IGSF9: variants seen among roughly 807,000 people sequenced by gnomAD.
The protein encoded by IGSF9 is immunoglobulin superfamily member 9, also known as protein turtle homolog A.
Under a neutral mutation model 121.7 loss-of-function variants are expected in IGSF9, and 87 were observed. The observed-to-expected ratio is 0.71, with a 90% confidence interval of 0.60 to 0.85. The LOEUF is 0.85. Among genes scored for constraint, IGSF9 ranks in the 40% least tolerant of loss-of-function variants. The probability of loss-of-function intolerance (pLI) is 0.00; values close to 1 mark genes in which losing one functional copy is unlikely to be tolerated. For missense variants in IGSF9, 1,462 were observed against 1,565.3 expected (o/e 0.93, Z 1.11); for synonymous variants, 640 against 648.4 (o/e 0.99, Z 0.20).
chr1:159,927,432 G>A lies in IGSF9; in HGVS notation c.3453C>T (p.Ala1151=). The part of the protein sequence containing the change: ...RCAALREEFL[A]FRRRRDATRA... Reference sequence around the variant, plus strand: ...TAGTAGCATCTCGGCGGCGGCGGAAGGCCAGGAATTCCTCCCGAAGGGCAG... The same window carrying A: ...TAGTAGCATCTCGGCGGCGGCGGAAAGCCAGGAATTCCTCCCGAAGGGCAG... The change falls in exon 21 of 21, where the codon GCC becomes GCT. Residue 1151 remains alanine, a synonymous_variant. Coordinates refer to ENST00000368094, the MANE Select transcript of IGSF9 (RefSeq NM_001135050.2). The A allele has an allele frequency of 4.3e-6, 7 of 1,614,122 alleles. No homozygotes were observed. The highest frequency in any genetic ancestry group is 5.9e-6 in the Non-Finnish European group (7 of 1,180,030).
chr1:159,929,682 T>G lies in IGSF9; in HGVS notation c.2282A>C (p.Asn761Thr). 6.3e-7 allele frequency: 1 copy of G among 1,596,640 alleles called. No homozygotes were observed. Among genetic ancestry groups the G allele is most frequent in the Non-Finnish European group, 8.5e-7 (1 of 1,173,338 alleles). The stretch of plus-strand genomic sequence containing the variant: ...GCGGCGGCGGGCAGCCCTGCGCCGG[T>G]TCAGGAGGCAGCCGGCCAGGATGCT... ...LVSILAGCLL[N>T]RRRAARRRRK... is the part of the protein sequence containing the mutation. Residue 761 changes from asparagine to threonine, a missense_variant, in exon 17 of 21, where the codon AAC becomes ACC. Physicochemically the swap from Asn to Thr is moderately conservative, Grantham distance 65. Coordinates refer to ENST00000368094, the MANE Select transcript of IGSF9 (RefSeq NM_001135050.2).
intron 3 of IGSF9, among the ~76,000 whole-genome samples, chr1:159,942,758 G>A (rs979976912): frequency 7.2e-5 from 11 of 152,224 alleles, no homozygotes; most frequent in African/African-American, 2.6e-4. Flanking sequence ...GTGTGTGTGT[G>A]TGTGTGTGTG....
Position 159,928,761 on chromosome 1 carries a change from G to T in IGSF9, c.2627C>A (p.Pro876Gln). Residue 876 changes from proline to glutamine, a missense_variant, in exon 19 of 21, where the codon CCA becomes CAA. Pro to Gln is a moderately conservative substitution (Grantham distance 76). Around this residue, in one of 3 missense-constraint regions of IGSF9, gnomAD observed 808 missense variants for 815.2 expected, o/e 0.99. Transcript: ENST00000368094. ...AAAGGACCGGGCCAGACGCTGGGCT[G>T]GAGTCCGAGGTTCTGCCTGCTCCCG... is the stretch of plus-strand genomic sequence containing the variant. ...SGREQAEPRTPAQRLARSFDC... is the reference protein window; with the variant it reads ...SGREQAEPRTQAQRLARSFDC... The T allele has an allele frequency of 6.8e-7, 1 of 1,476,510 alleles. No homozygotes were observed. Among genetic ancestry groups the T allele is most frequent in the Non-Finnish European group, 9.0e-7 (1 of 1,111,530 alleles). 91.5% of individuals were successfully genotyped at this position (1,476,510 alleles called of 1,614,324 possible).
Position 159,932,900 on chromosome 1 carries a change from T to A in IGSF9, c.1105-248A>T. On this transcript the variant is annotated intron_variant, in intron 9 of 20. Coordinates refer to ENST00000368094, the MANE Select transcript of IGSF9 (RefSeq NM_001135050.2). This position sits in a 1 kb window ranked among gnomAD's most constrained non-coding sequence, Gnocchi z 4.1. ...GGTGCCACTCACAGAAAATACACTG[T>A]GAATGGCCACCCCTGTAGTTGGGCC... 2.3e-6 allele frequency: 1 copy of A among 436,668 alleles called. No homozygotes were observed. 27.0% of individuals were successfully genotyped at this position (436,668 alleles called of 1,614,324 possible). A position where few individuals can be genotyped will look rare whatever the true frequency, so the allele number is the denominator to read the frequency against.
At chr1:159,928,020 C>A in intron 19 of IGSF9, 133 bp from the exon 20 acceptor site, 1 of 1,485,236 alleles carries the variant, frequency 6.7e-7, no homozygotes, top group Non-Finnish European at 9.1e-7. Flanking sequence ...TGGACCTCAG[C>A]AAAAGCTTCT....
intron 6 of IGSF9, among the ~76,000 whole-genome samples, chr1:159,935,529 C>T (rs866062789): frequency 2.6e-5 from 4 of 152,210 alleles, no homozygotes; most frequent in Admixed American, 6.5e-5. Flanking sequence ...CGCCACATAC[C>T]TCCTGCAAAA....
chr1:159,938,483 C>T (rs1307316939), intron 3 of IGSF9, among the ~76,000 whole-genome samples: 2 of 152,176 alleles, frequency 1.3e-5, no homozygotes, highest in African/African-American at 4.8e-5. Context: ...TCCACAAAGC[C>T]ACACAACCAC....
chr1:159,928,143 A>C lies in IGSF9; in HGVS notation c.3230+15T>G, dbSNP rs1650812527. The C allele has an allele frequency of 6.2e-7, 1 of 1,602,094 alleles. No homozygotes were observed. The highest frequency in any genetic ancestry group is 1.3e-5 in the African/African-American group (1 of 74,912). ...GACTGAGGCGGAGGCAGGGATGGGCAGGGACTGCTCTCACCTCTTGCTGAC... is the reference window on the plus strand; with the variant it reads ...GACTGAGGCGGAGGCAGGGATGGGCCGGGACTGCTCTCACCTCTTGCTGAC... On this transcript the variant is annotated intron_variant, in intron 19 of 20. Coordinates refer to ENST00000368094, the MANE Select transcript of IGSF9 (RefSeq NM_001135050.2).
Position 159,929,995 on chromosome 1 carries a change from C to T in IGSF9, c.2065-20G>A. 1 of 1,592,942 alleles carries T rather than the reference C, an allele frequency of 6.3e-7. No homozygotes were observed. On this transcript the variant is annotated intron_variant, in intron 15 of 20. Transcript: ENST00000368094. ...AACATCCTGCGATGGGGATGGGGTACCAGGAGGGAGGTCAGGGCCCAGCAC... is the reference window on the plus strand; with the variant it reads ...AACATCCTGCGATGGGGATGGGGTATCAGGAGGGAGGTCAGGGCCCAGCAC...
rs1201642147 is a variant in IGSF9, at chr1:159,943,408, T to C, written c.47A>G (p.Gln16Arg). ...GLAVLSLVISQGADGRGKPEV... is the reference protein window; with the variant it reads ...GLAVLSLVISRGADGRGKPEV... ...AGAGCTCAGCTTACCGTCAGCCCCCTGGCTGATGACCAGGCTGAGGACGGC... is the reference window on the plus strand; with the variant it reads ...AGAGCTCAGCTTACCGTCAGCCCCCCGGCTGATGACCAGGCTGAGGACGGC... Residue 16 changes from glutamine (Q) to arginine (R), a missense_variant, in exon 2 of 21, where the codon CAG becomes CGG. Coordinates refer to ENST00000368094, the MANE Select transcript of IGSF9 (RefSeq NM_001135050.2). 4 of 1,588,716 alleles carry C rather than the reference T, an allele frequency of 2.5e-6. No individual in the cohort carries two copies. Among genetic ancestry groups the C allele is most frequent in the Non-Finnish European group, 2.6e-6 (3 of 1,167,088 alleles).
Position 159,928,563 on chromosome 1 carries a change from G to T in IGSF9, c.2825C>A (p.Pro942His). The T allele has an allele frequency of 6.5e-7, 1 of 1,537,446 alleles. No individual in the cohort carries two copies. Among genetic ancestry groups the T allele is most frequent in the Admixed American group, 2.0e-5 (1 of 48,828 alleles). The change falls in exon 19 of 21, where the codon CCC becomes CAC. Residue 942 changes from proline to histidine, a missense_variant. By Grantham distance (77) the Pro-to-His change is moderately conservative. Transcript: ENST00000368094. ...AGCAGGGCTGGGCTCCTCAAGCGGG[G>T]GCCAGTCCCCATCCACATTCATCTC... ...FREMNVDGDW[P>H]PLEEPSPAAP...
Position 159,927,262 on chromosome 1 carries a change from C to A in IGSF9, c.*83G>T. ...ACCAAAGGGGCAGGCAGGGGCAGTG[C>A]CCTCGTTTGAAACTAGGTCTGTCTG... On this transcript the variant is annotated 3_prime_UTR_variant, in exon 21 of 21. Coordinates refer to ENST00000368094, the MANE Select transcript of IGSF9 (RefSeq NM_001135050.2). 1 of 1,542,144 alleles carries A rather than the reference C, an allele frequency of 6.5e-7. No homozygotes were observed. The highest frequency in any genetic ancestry group is 8.9e-7 in the Non-Finnish European group (1 of 1,118,978).
Position 159,931,694 on chromosome 1 carries a change from C to A in IGSF9, c.1363-91G>T. ...TCTCCAGGCAGCTCCAGTTCCTCCC[C>A]ACCCTGCCTCTGACAGCCTTCTCCT... On this transcript the variant is annotated intron_variant, in intron 11 of 20. Coordinates refer to ENST00000368094, the MANE Select transcript of IGSF9 (RefSeq NM_001135050.2). This position sits in a 1 kb window ranked among gnomAD's most constrained non-coding sequence, Gnocchi z 4.8. 1.3e-6 allele frequency: 2 copies of A among 1,528,552 alleles called. No homozygotes were observed. Among genetic ancestry groups the A allele is most frequent in the Non-Finnish European group, 1.8e-6 (2 of 1,122,350 alleles). 94.7% of individuals were successfully genotyped at this position (1,528,552 alleles called of 1,614,324 possible).
Position 159,931,441 on chromosome 1 carries a change from C to T in IGSF9, c.1513+12G>A, listed in dbSNP as rs948053722. On this transcript the variant is annotated intron_variant, in intron 12 of 20. Transcript: ENST00000368094. The surrounding 1 kb of genome is among the most constrained non-coding windows in gnomAD (Gnocchi z 4.8). Reference sequence around the variant, plus strand: ...TTTCTCCCAGCCCCTGGCCCTCTCTCCAGCCACTAACCCAGCACGTAGACG... The same window carrying T: ...TTTCTCCCAGCCCCTGGCCCTCTCTTCAGCCACTAACCCAGCACGTAGACG... The T allele has an allele frequency of 1.2e-6, 2 of 1,610,538 alleles. No individual in the cohort carries two copies. The highest frequency in any genetic ancestry group is 1.1e-5 in the South Asian group (1 of 91,016).
In IGSF9 at chr1:159,930,379, G is replaced by A; in HGVS notation, c.1874C>T (p.Ser625Phe). The A allele has an allele frequency of 1.3e-6, 2 of 1,587,540 alleles. No individual in the cohort carries two copies. Among genetic ancestry groups the A allele is most frequent in the Non-Finnish European group, 1.7e-6 (2 of 1,165,276 alleles). ...CACTGCCACCAGACCCCGCGGAGGG[G>A]ACAGGGGAGGCGGTATCTCTGTTGG... ...LPPTEIPPPLSPPRGLVAVRT... is the reference protein window; with the variant it reads ...LPPTEIPPPLFPPRGLVAVRT... Residue 625 changes from serine (S) to phenylalanine (F), a missense_variant, in exon 15 of 21, where the codon TCC (serine) becomes TTC (phenylalanine). Ser to Phe is a radical substitution (Grantham distance 155). Around this residue, in one of 3 missense-constraint regions of IGSF9, gnomAD observed 808 missense variants for 815.2 expected, o/e 0.99. Transcript: ENST00000368094.
Position 159,927,270 on chromosome 1 carries a change from T to C in IGSF9, c.*75A>G. 6.3e-7 allele frequency: 1 copy of C among 1,579,232 alleles called. No homozygotes were observed. Among genetic ancestry groups the C allele is most frequent in the Non-Finnish European group, 8.7e-7 (1 of 1,151,710 alleles). ...GGCAGGCAGGGGCAGTGCCCTCGTTTGAAACTAGGTCTGTCTGGTTGGGGG... is the reference window on the plus strand; with the variant it reads ...GGCAGGCAGGGGCAGTGCCCTCGTTCGAAACTAGGTCTGTCTGGTTGGGGG... On this transcript the variant is annotated 3_prime_UTR_variant, in exon 21 of 21. Coordinates refer to ENST00000368094, the MANE Select transcript of IGSF9 (RefSeq NM_001135050.2).
chr1:159,939,658 A>G (rs760958710), intron 3 of IGSF9, among the ~76,000 whole-genome samples: 2 of 152,174 alleles, frequency 1.3e-5, no homozygotes, highest in African/African-American at 2.4e-5. Flanking sequence ...CTTCCATTCT[A>G]CCTCTAGAGT....
chr1:159,927,913 C>T (rs535591685), intron 19 of IGSF9, 26 bp from the exon 20 acceptor site: 3 of 1,599,050 alleles, frequency 1.9e-6, no homozygotes, highest in Non-Finnish European at 2.6e-6. Flanking sequence ...AAAAGACAAA[C>T]ATATGGTGTG....
At position 159,937,675 on chromosome 1, in the gene IGSF9, C is replaced by CA; in HGVS notation, c.400+10dup. ...CCGTCCTTCTCCACCACCTGCCCCC[C>CA]AGCTTCATACAATTGACTGTCAGAT... On this transcript the variant is annotated intron_variant, in intron 4 of 20. Coordinates refer to ENST00000368094, the MANE Select transcript of IGSF9 (RefSeq NM_001135050.2). 6.2e-7 allele frequency: 1 copy of CA among 1,609,334 alleles called. No individual in the cohort carries two copies.
Sources: allele counts gnomAD v4.1 joint callset (sites outside exome capture counted in the v4.1 genomes callset), GRCh38; gene constraint gnomAD v4.1.1; regional missense constraint gnomAD v4.1.1; non-coding constraint Gnocchi (gnomAD v3.1); transcripts MANE v1.5; gene names NCBI Gene and HGNC (gene_info 2026-07-23, HGNC 2026-07-21).